RALYL: variants seen among roughly 807,000 people sequenced by gnomAD.
RALYL encodes RALY RNA binding protein like.
RALYL carries 29 observed loss-of-function variants against 35.1 expected under a neutral mutation model. That is an observed-to-expected ratio of 0.83 (90% CI 0.61 to 1.13). RALYL has a LOEUF of 1.13. Ranked by LOEUF, RALYL falls within the 50% of genes most tolerant of loss-of-function variation. The pLI is 0.00. For missense variants in RALYL, 359 were observed against 360.4 expected (o/e 1.00, Z 0.03); for synonymous variants, 120 against 127.6 (o/e 0.94, Z 0.40).
chr8:84,607,112 A>G (rs1316108082), intron 2 of RALYL, among the ~76,000 whole-genome samples: 1 of 152,040 alleles, frequency 6.6e-6, no homozygotes, highest in Non-Finnish European at 1.5e-5. Flanking sequence ...ATAAAACCCA[A>G]ACAATATCTA....
At chr8:84,561,004 A>G (rs1242400778) in intron 2 of RALYL, among the ~76,000 whole-genome samples, 1 of 152,040 alleles carries the variant, frequency 6.6e-6, no homozygotes, top group Non-Finnish European at 1.5e-5. Context: ...AAATCCTAGA[A>G]GTTTGAATGT....
intron 3 of RALYL, among the ~76,000 whole-genome samples, chr8:84,803,598 C>T (rs1290606550): frequency 6.6e-6 from 1 of 152,132 alleles, no homozygotes; most frequent in African/African-American, 2.4e-5. Context: ...CTGCTTCTAC[C>T]CTACCTAGAG....
At chr8:84,346,927 C>T (rs189226571) in intron 1 of RALYL, among the ~76,000 whole-genome samples, 94 of 152,138 alleles carry the variant, frequency 6.2e-4, no homozygotes, top group South Asian at 2.1e-3. Flanking sequence ...TGGCCAGGCA[C>T]GGTGGTTCAC....
chr8:84,234,839 A>G (rs1426832058), intron 1 of RALYL, among the ~76,000 whole-genome samples: 1 of 151,382 alleles, frequency 6.6e-6, no homozygotes, highest in Non-Finnish European at 1.5e-5. Flanking sequence ...ATCTCAGCTC[A>G]CCACAACCTC....
intron 1 of RALYL, among the ~76,000 whole-genome samples, chr8:84,460,230 T>A (rs1381558178): frequency 6.6e-6 from 1 of 151,746 alleles, no homozygotes; most frequent in Non-Finnish European, 1.5e-5. Flanking sequence ...AAGATCTATA[T>A]TTGTGGAAGT....
intron 2 of RALYL, among the ~76,000 whole-genome samples, chr8:84,668,527 G>T (rs952543307): frequency 3.3e-5 from 5 of 152,144 alleles, no homozygotes; most frequent in African/African-American, 1.2e-4. Context: ...CTGGGTGGAA[G>T]TTCCAACATT....
intron 2 of RALYL, among the ~76,000 whole-genome samples, chr8:84,681,544 G>A (rs1009907859): frequency 3.0e-4 from 46 of 152,088 alleles, no homozygotes; most frequent in African/African-American, 9.4e-4. Context: ...AGTTCTCCTC[G>A]AAGAGGTCCT....
intron 2 of RALYL, among the ~76,000 whole-genome samples, chr8:84,722,617 T>TTATATATACA (rs1844157137): frequency 1.0e-5 from 1 of 97,408 alleles, no homozygotes; most frequent in Non-Finnish European, 1.9e-5. Context: ...TAGAGTGATT[T>TTATATATACA]TATATATATA....
In RALYL at chr8:84,749,641, G is replaced by A. The variant is rs74460621; in HGVS notation, c.257-24938G>A. On this transcript the variant is annotated intron_variant, in intron 2 of 8. Coordinates refer to ENST00000521268, the MANE Select transcript of RALYL (RefSeq NM_173848.7). The stretch of plus-strand genomic sequence containing the variant: ...ATCCACAGGACATAAATTAGTAAGA[G>A]AAAGAATGTAGCATTGGGAGAGGGA... 7.4e-3 allele frequency among the ~76,000 whole-genome samples: 1,124 copies of A among 152,264 alleles called. 19 individuals are homozygous for A. The highest frequency in any genetic ancestry group is 0.026 in the African/African-American group (1,062 of 41,560).
chr8:84,419,543 C>CTT (rs572953145), intron 1 of RALYL, among the ~76,000 whole-genome samples: 3 of 146,162 alleles, frequency 2.1e-5, no homozygotes, highest in African/African-American at 7.5e-5. Flanking sequence ...ATGGTCTTAA[C>CTT]TTTTTTTTTT....
At chr8:84,669,402 GT>G (rs1832742682) in intron 2 of RALYL, among the ~76,000 whole-genome samples, 1 of 150,608 alleles carries the variant, frequency 6.6e-6, no homozygotes, top group Non-Finnish European at 1.5e-5. Flanking sequence ...ACCCGTGCAG[GT>G]TTGTTACATG....
chr8:84,489,200 T>A (rs1261011194), intron 1 of RALYL, among the ~76,000 whole-genome samples: 2 of 152,058 alleles, frequency 1.3e-5, no homozygotes, highest in Admixed American at 6.6e-5. Context: ...TAGCTACTAT[T>A]GGCTTTTCTT....
intron 2 of RALYL, among the ~76,000 whole-genome samples, chr8:84,576,771 G>T (rs1304779821): frequency 6.6e-6 from 1 of 152,164 alleles, no homozygotes; most frequent in Non-Finnish European, 1.5e-5. Context: ...CTCAATAATT[G>T]TAATAGTTGT....
chr8:84,484,365 G>A (rs1377002846), intron 1 of RALYL, among the ~76,000 whole-genome samples: 1 of 152,108 alleles, frequency 6.6e-6, no homozygotes, highest in African/African-American at 2.4e-5. Flanking sequence ...AATTACCACT[G>A]TGGTATGACA....
At chr8:84,652,466 C>G (rs1281501625) in intron 2 of RALYL, among the ~76,000 whole-genome samples, 1 of 151,942 alleles carries the variant, frequency 6.6e-6, no homozygotes, top group Admixed American at 6.6e-5. Flanking sequence ...GTAACTTCAC[C>G]CAGGAAAGTA....
At chr8:84,593,191 C>G (rs1813687445) in intron 2 of RALYL, among the ~76,000 whole-genome samples, 1 of 152,038 alleles carries the variant, frequency 6.6e-6, no homozygotes, top group South Asian at 2.1e-4. Flanking sequence ...CACCAACAAT[C>G]TACTTTAAGC....
At chr8:84,487,140 T>A (rs575161678) in intron 1 of RALYL, among the ~76,000 whole-genome samples, 1 of 152,112 alleles carries the variant, frequency 6.6e-6, no homozygotes, top group African/African-American at 2.4e-5. Context: ...GTGCTTTATT[T>A]CATTTTAGTG....
chr8:84,474,740 G>GAT, intron 1 of RALYL, among the ~76,000 whole-genome samples: 1 of 152,006 alleles, frequency 6.6e-6, no homozygotes, highest in Non-Finnish European at 1.5e-5. Flanking sequence ...AAGAAACTTG[G>GAT]ATATTTCAAA....
At chr8:84,902,951 G>A in intron 8 of RALYL, among the ~76,000 whole-genome samples, 1 of 152,106 alleles carries the variant, frequency 6.6e-6, no homozygotes, top group Non-Finnish European at 1.5e-5. Context: ...ATGATTTGGT[G>A]GCTCATGCCT....
Sources: gnomAD v4.1 joint callset for allele counts (sites outside exome capture counted in the v4.1 genomes callset) on GRCh38, gnomAD v4.1.1 for gene constraint, MANE v1.5 for transcripts, NCBI Gene and HGNC (gene_info 2026-07-23, HGNC 2026-07-21) for gene names.